Variants in IGF2BP1 observed in about 807,000 individuals in gnomAD.
IGF2BP1 encodes the protein insulin like growth factor 2 mRNA binding protein 1.
Under a neutral mutation model 74.9 loss-of-function variants are expected in IGF2BP1, and 11 were observed. The ratio of observed to expected loss-of-function variants is 0.15; its 90% CI spans 0.09 to 0.24. The LOEUF (loss-of-function observed/expected upper bound fraction) is 0.24, where lower values mean the gene tolerates loss of function less well. Among genes scored for constraint, IGF2BP1 ranks in the 10% least tolerant of loss-of-function variants. The pLI is 1.00. For synonymous variants in IGF2BP1, 287 were observed against 281.8 expected, an observed-to-expected ratio of 1.02 and a Z score of -0.18; for missense variants, 440 against 757.4, an observed-to-expected ratio of 0.58 and a Z score of 4.92.
At position 49,029,392 on chromosome 17, in the gene IGF2BP1, A is replaced by C. The variant is rs1486290964; in HGVS notation, c.338-2518A>C. 2.6e-5 allele frequency among the ~76,000 whole-genome samples: 4 copies of C among 152,068 alleles called. No homozygotes were observed. The East Asian group carries it at 7.7e-4, about 29-fold the overall frequency. ...GACTTTGGGAGGCTGAGATGGGAGGAATAGCTTTAGCCCAGGAGTTAAAGG... is the reference window on the plus strand; with the variant it reads ...GACTTTGGGAGGCTGAGATGGGAGGCATAGCTTTAGCCCAGGAGTTAAAGG... On this transcript the variant is annotated intron_variant, in intron 4 of 14. Transcript: ENST00000290341.
intron 2 of IGF2BP1, among the ~76,000 whole-genome samples, chr17:49,024,072 A>G (rs1374987095): frequency 2.3e-5 from 3 of 129,638 alleles, no homozygotes; most frequent in Non-Finnish European, 4.8e-5. Flanking sequence ...ACGTGCCACC[A>G]CACCCTGCTA....
At position 48,999,190 on chromosome 17, in the gene IGF2BP1, G is replaced by C. The variant is rs199502590; in HGVS notation, c.236+21G>C. 179 of 761,004 alleles carry C rather than the reference G, an allele frequency of 2.4e-4. 2 individuals are homozygous for C. Among genetic ancestry groups the C allele is most frequent in the Non-Finnish European group, 3.4e-4 (151 of 449,300 alleles). 47.1% of individuals were successfully genotyped at this position (761,004 alleles called of 1,614,324 possible). A position where few individuals can be genotyped will look rare whatever the true frequency, so the allele number is the denominator to read the frequency against. The stretch of plus-strand genomic sequence containing the variant: ...CAAAGGTAGGAAAGAGCTCTTTTCG[G>C]GGGGGGTGGGGGGGCCGCGGGGGTG... On this transcript the variant is annotated intron_variant, in intron 2 of 14. Transcript: ENST00000290341.
rs974861183 is a variant in IGF2BP1, at chr17:49,055,889, C to T, written c.*6445C>T. Reference sequence around the variant, plus strand: ...TGAGTGCTAGCTTATTCTGTAATTGCGGCAACTTTGAAAATTGTATTTTAC... The same window carrying T: ...TGAGTGCTAGCTTATTCTGTAATTGTGGCAACTTTGAAAATTGTATTTTAC... On this transcript the variant is annotated 3_prime_UTR_variant, in exon 15 of 15. Transcript: ENST00000290341. Among the ~76,000 whole-genome samples, 7 of 138,082 alleles carry T rather than the reference C, an allele frequency of 5.1e-5. No individual in the cohort carries two copies. The highest frequency in any genetic ancestry group is 1.1e-4 in the African/African-American group (4 of 35,600). The allele number at this position is 138,082 out of a possible 152,430, so 90.6% of individuals were successfully genotyped here.
chr17:49,041,891 G>A (rs1007034392), intron 8 of IGF2BP1, among the ~76,000 whole-genome samples: 6 of 152,162 alleles, frequency 3.9e-5, no homozygotes, highest in Non-Finnish European at 5.9e-5. Context: ...AGTGTGCTTC[G>A]TTTCATCAGA....
chr17:49,014,393 G>A (rs904602503), intron 2 of IGF2BP1, among the ~76,000 whole-genome samples: 1 of 151,542 alleles, frequency 6.6e-6, no homozygotes, highest in Non-Finnish European at 1.5e-5. Flanking sequence ...GAGGGGCCGT[G>A]TTCACCGCCT....
chr17:48,997,399 T>TC lies in IGF2BP1; in HGVS notation c.-346dup, dbSNP rs2041418933. The TC allele has an allele frequency of 5.4e-6, 1 of 186,232 alleles. No individual in the cohort carries two copies. The highest frequency in any genetic ancestry group is 6.2e-5 in the Admixed American group (1 of 16,216). The allele number at this position is 186,232 out of a possible 1,614,324, so 11.5% of individuals were successfully genotyped here. ...TTTTTTTTTTCCGCTCCATTTTTTT[T>TC]CAAGTCGATTTTATTTAGAGGCGGC... On this transcript the variant is annotated 5_prime_UTR_variant, in exon 1 of 15. Coordinates refer to ENST00000290341, the MANE Select transcript of IGF2BP1 (RefSeq NM_006546.4). The surrounding 1 kb of genome is among the most constrained non-coding windows in gnomAD (Gnocchi z 4.8).
intron 2 of IGF2BP1, among the ~76,000 whole-genome samples, chr17:49,010,480 GCTA>G (rs1233940569): frequency 2.6e-5 from 4 of 151,646 alleles, no homozygotes; most frequent in Non-Finnish European, 4.4e-5. Context: ...ACCACGCCCG[GCTA>G]CTTTTTGTAT....
At chr17:49,020,054 GGGGGT>G (rs201910112) in intron 2 of IGF2BP1, among the ~76,000 whole-genome samples, 1,481 of 139,296 alleles carry the variant, frequency 0.011, 28 homozygotes, top group African/African-American at 0.03. Flanking sequence ...ATTTTTTTGG[GGGGGT>G]GGGGTGGGGT....
chr17:49,023,028 A>T (rs894388458), intron 2 of IGF2BP1, among the ~76,000 whole-genome samples: 3 of 152,196 alleles, frequency 2.0e-5, no homozygotes, highest in Non-Finnish European at 4.4e-5. Flanking sequence ...TTCCAATGGC[A>T]TGGCCATTTC....
chr17:48,996,597 T>TA (rs2041401812), upstream of IGF2BP1: 1 of 152,380 alleles, frequency 6.6e-6, no homozygotes, highest in Non-Finnish European at 1.5e-5. Context: ...TCCTCTTCCT[T>TA]GTCTCCCACC....
intron 5 of IGF2BP1, chr17:49,037,291 T>C: frequency 4.3e-6 from 2 of 467,040 alleles, no homozygotes; most frequent in South Asian, 2.2e-5. Context: ...GAAAATTCTC[T>C]ATTGAAAGGA....
chr17:49,033,665 G>C (rs1347146099), intron 5 of IGF2BP1, among the ~76,000 whole-genome samples: 1 of 151,974 alleles, frequency 6.6e-6, no homozygotes, highest in Non-Finnish European at 1.5e-5. Context: ...TTTCTAACCA[G>C]TGTCAGCCTT....
intron 2 of IGF2BP1, among the ~76,000 whole-genome samples, chr17:49,000,695 T>C (rs72833639): frequency 0.036 from 5,520 of 152,302 alleles, 150 homozygotes; most frequent in Non-Finnish European, 0.055. Flanking sequence ...ATTTTTTCTT[T>C]TGCTCTTGAG....
At chr17:49,027,876 A>T (rs973091046) in intron 4 of IGF2BP1, among the ~76,000 whole-genome samples, 3 of 148,058 alleles carry the variant, frequency 2.0e-5, no homozygotes, top group Admixed American at 2.0e-4. Context: ...AAAAAAAAAA[A>T]AAAAAGTTTG....
chr17:49,019,950 T>A (rs8074597), intron 2 of IGF2BP1, among the ~76,000 whole-genome samples: 695 of 23,506 alleles, frequency 0.03, no homozygotes, highest in Middle Eastern at 0.04. Flanking sequence ...ATATATATAT[T>A]TATATACACA....
At chr17:49,026,772 T>G (rs2041863827) in intron 4 of IGF2BP1, among the ~76,000 whole-genome samples, 2 of 149,462 alleles carry the variant, frequency 1.3e-5, no homozygotes, top group Non-Finnish European at 3.0e-5. Flanking sequence ...TTCCTGTCTA[T>G]CTTGCTCTGT....
intron 4 of IGF2BP1, among the ~76,000 whole-genome samples, chr17:49,027,783 C>T (rs1598145145): frequency 7.9e-6 from 1 of 127,286 alleles, no homozygotes; most frequent in South Asian, 2.8e-4. Context: ...ACCCGGGAGG[C>T]GGAGCTTGCA....
At chr17:49,032,358 G>A (rs1182652564) in intron 5 of IGF2BP1, among the ~76,000 whole-genome samples, 1 of 151,750 alleles carries the variant, frequency 6.6e-6, no homozygotes, top group African/African-American at 2.4e-5. Context: ...GATAATGAGG[G>A]GGAACTTCGG....
At position 49,038,877 on chromosome 17, in the gene IGF2BP1, T is replaced by C. The variant is rs868126225; in HGVS notation, c.683+428T>C. ...CCACTGCCACCTTCTTTCTTTAATATTTTTTTTTTTTTTTTTTTGAGACAG... is the reference window on the plus strand; with the variant it reads ...CCACTGCCACCTTCTTTCTTTAATACTTTTTTTTTTTTTTTTTTGAGACAG... On this transcript the variant is annotated intron_variant, in intron 6 of 14. Coordinates refer to ENST00000290341, the MANE Select transcript of IGF2BP1 (RefSeq NM_006546.4). 6.2e-3 allele frequency among the ~76,000 whole-genome samples: 877 copies of C among 142,428 alleles called. 53 individuals are homozygous for C. The highest frequency in any genetic ancestry group is 0.012 in the African/African-American group (465 of 38,854). The allele number at this position is 142,428 out of a possible 152,430, so 93.4% of individuals were successfully genotyped here. A position where few individuals can be genotyped will look rare whatever the true frequency, so the allele number is the denominator to read the frequency against.
Sources: allele counts gnomAD v4.1 joint callset (sites outside exome capture counted in the v4.1 genomes callset), GRCh38; gene constraint gnomAD v4.1.1; non-coding constraint Gnocchi (gnomAD v3.1); transcripts MANE v1.5; gene names NCBI Gene and HGNC (gene_info 2026-07-23, HGNC 2026-07-21).